Variants in KLHL1 observed in about 807,000 individuals in gnomAD.
The protein encoded by KLHL1 is kelch-like protein 1.
Under a neutral mutation model 77.7 loss-of-function variants are expected in KLHL1, and 47 were observed. That is an observed-to-expected ratio of 0.60 (90% confidence interval 0.48 to 0.77). KLHL1 has a LOEUF of 0.77. Among genes scored for constraint, KLHL1 ranks in the 30% least tolerant of loss-of-function variants. The probability of loss-of-function intolerance (pLI) is 0.00; values close to 1 mark genes in which losing one functional copy is unlikely to be tolerated. For missense variants in KLHL1, 925 were observed against 910.8 expected, an observed-to-expected ratio of 1.02 and a Z score of -0.20; for synonymous variants, 360 against 325.2, an observed-to-expected ratio of 1.11 and a Z score of -1.15.
intron 3 of KLHL1, among the ~76,000 whole-genome samples, chr13:69,954,421 C>G (rs756428194): frequency 5.9e-5 from 9 of 151,328 alleles, no homozygotes; most frequent in Middle Eastern, 6.8e-3. Flanking sequence ...TTCAATGATT[C>G]AATTCTTAGC....
rs1330424352 is a variant in KLHL1, at chr13:69,700,634, T to A, written c.*1068A>T. On this transcript the variant is annotated 3_prime_UTR_variant, in exon 11 of 11. Coordinates refer to ENST00000377844, the MANE Select transcript of KLHL1 (RefSeq NM_020866.3). Reference sequence around the variant, plus strand: ...GATCATTTATTAATTGTAATTAAAATTTACATGGGCCTATTTATTAAGGAC... The same window carrying A: ...GATCATTTATTAATTGTAATTAAAAATTACATGGGCCTATTTATTAAGGAC... 6.6e-6 allele frequency: 1 copy of A among 152,390 alleles called. No individual in the cohort carries two copies. Among genetic ancestry groups the A allele is most frequent in the Non-Finnish European group, 1.5e-5 (1 of 67,894 alleles). 9.4% of individuals were successfully genotyped at this position (152,390 alleles called of 1,614,324 possible).
intron 1 of KLHL1, among the ~76,000 whole-genome samples, chr13:70,057,232 T>C (rs560501441): frequency 2.0e-5 from 3 of 152,002 alleles, no homozygotes; most frequent in African/African-American, 7.2e-5. Flanking sequence ...GATTGAACCA[T>C]GAAGGAATCC....
chr13:69,860,115 G>T (rs1002593427), intron 5 of KLHL1, among the ~76,000 whole-genome samples: 1 of 151,866 alleles, frequency 6.6e-6, no homozygotes, highest in East Asian at 1.9e-4. Flanking sequence ...TTAATGAAAG[G>T]CTCATCCACT....
At chr13:69,730,879 C>T (rs746145870) in intron 8 of KLHL1, among the ~76,000 whole-genome samples, 10 of 152,086 alleles carry the variant, frequency 6.6e-5, no homozygotes, top group East Asian at 5.8e-4. Context: ...TGTGCCTGGA[C>T]GGAGAACATT....
intron 4 of KLHL1, among the ~76,000 whole-genome samples, chr13:69,910,289 T>C (rs1882193942): frequency 6.6e-6 from 1 of 152,102 alleles, no homozygotes; most frequent in Non-Finnish European, 1.5e-5. Flanking sequence ...TCAAAAGTGT[T>C]ATGTTGTTGA....
At chr13:69,834,480 T>C (rs866278678) in intron 6 of KLHL1, among the ~76,000 whole-genome samples, 10 of 151,962 alleles carry the variant, frequency 6.6e-5, no homozygotes, top group African/African-American at 1.4e-4. Flanking sequence ...CTTCAAAATA[T>C]TACAAAGGTG....
chr13:69,828,547 G>A lies in KLHL1; in HGVS notation c.1414+10429C>T, dbSNP rs866954518. On this transcript the variant is annotated intron_variant, in intron 6 of 10. Coordinates refer to ENST00000377844, the MANE Select transcript of KLHL1 (RefSeq NM_020866.3). The stretch of plus-strand genomic sequence containing the variant: ...AGTATTCCTGGGTACAATCCAGGGC[G>A]GAGTGCAAATGGGAAGTACAGGCCA... 1.6e-4 allele frequency among the ~76,000 whole-genome samples: 24 copies of A among 150,188 alleles called. 1 individual carries two copies. The highest frequency in any genetic ancestry group is 4.2e-4 in the South Asian group (2 of 4,780).
At chr13:69,869,220 C>T (rs1277551088) in intron 5 of KLHL1, among the ~76,000 whole-genome samples, 1 of 151,902 alleles carries the variant, frequency 6.6e-6, no homozygotes, top group Admixed American at 6.6e-5. Context: ...CTGATAATAG[C>T]CGATCCTTAC....
chr13:69,802,422 G>A (rs1273834866), intron 6 of KLHL1, among the ~76,000 whole-genome samples: 1 of 152,018 alleles, frequency 6.6e-6, no homozygotes, highest in African/African-American at 2.4e-5. Context: ...AAGTATGGGG[G>A]ATAAGGGAGG....
chr13:70,037,661 GCTTAA>G (rs1479064851), intron 1 of KLHL1, among the ~76,000 whole-genome samples: 2 of 151,666 alleles, frequency 1.3e-5, no homozygotes, highest in African/African-American at 2.4e-5. Flanking sequence ...ATTCTCAGTT[GCTTAA>G]CTTTAGTTTG....
intron 1 of KLHL1, among the ~76,000 whole-genome samples, chr13:70,049,233 T>C (rs1034216685): frequency 1.3e-5 from 2 of 151,916 alleles, no homozygotes; most frequent in Non-Finnish European, 2.9e-5. Flanking sequence ...ATCATAGAAC[T>C]AAATGAAAAA....
chr13:70,024,478 C>T (rs954413411), intron 1 of KLHL1, among the ~76,000 whole-genome samples: 8 of 151,700 alleles, frequency 5.3e-5, no homozygotes, highest in African/African-American at 1.9e-4. Context: ...ACAGAAGTCC[C>T]CCTTGCTCTG....
chr13:70,007,366 A>C (rs1885430408), intron 1 of KLHL1, among the ~76,000 whole-genome samples: 1 of 151,936 alleles, frequency 6.6e-6, no homozygotes, highest in South Asian at 2.1e-4. Context: ...ATACATATAC[A>C]TCTATATAGG....
chr13:69,905,488 A>G (rs1449855195), intron 4 of KLHL1, among the ~76,000 whole-genome samples: 1 of 152,022 alleles, frequency 6.6e-6, no homozygotes, highest in Non-Finnish European at 1.5e-5. Flanking sequence ...CATGAATTAA[A>G]TTATTGATCA....
intron 4 of KLHL1, among the ~76,000 whole-genome samples, chr13:69,897,194 T>C (rs1881678092): frequency 6.6e-6 from 1 of 152,202 alleles, no homozygotes; most frequent in African/African-American, 2.4e-5. Flanking sequence ...TTTGTCCTTC[T>C]CTTTAGTAAG....
intron 5 of KLHL1, among the ~76,000 whole-genome samples, chr13:69,877,795 G>C (rs1537284): frequency 0.051 from 7,802 of 152,018 alleles, 488 homozygotes; most frequent in African/African-American, 0.15. Flanking sequence ...CCTTTCCTGA[G>C]CTCCTTTTGT....
At chr13:69,924,341 G>A (rs1593954106) in intron 4 of KLHL1, among the ~76,000 whole-genome samples, 1 of 152,244 alleles carries the variant, frequency 6.6e-6, no homozygotes, top group South Asian at 2.1e-4. Flanking sequence ...GCCTGCCCAT[G>A]GCTGTCCATG....
At chr13:69,848,643 C>T (rs969122389) in intron 5 of KLHL1, among the ~76,000 whole-genome samples, 1 of 151,420 alleles carries the variant, frequency 6.6e-6, no homozygotes, top group Non-Finnish European at 1.5e-5. Flanking sequence ...AAAATGAAAA[C>T]ACAAATTAAT....
intron 1 of KLHL1, among the ~76,000 whole-genome samples, chr13:69,983,825 G>A (rs926068867): frequency 1.3e-5 from 2 of 151,836 alleles, no homozygotes; most frequent in African/African-American, 4.8e-5. Context: ...AAATAGCATG[G>A]CACAGGCATA....
Sources: gnomAD v4.1 joint callset for allele counts (sites outside exome capture counted in the v4.1 genomes callset) on GRCh38, gnomAD v4.1.1 for gene constraint, MANE v1.5 for transcripts, NCBI Gene and HGNC (gene_info 2026-07-23, HGNC 2026-07-21) for gene names.